Variants in MAP2K2 observed in about 807,000 individuals in gnomAD.
The protein encoded by MAP2K2 is dual specificity mitogen-activated protein kinase kinase 2.
A neutral mutation model predicts 43.7 loss-of-function variants in MAP2K2; 24 were observed. The observed-to-expected ratio is 0.55, with a 90% CI of 0.40 to 0.77. The LOEUF is 0.77. Ranked by LOEUF, MAP2K2 falls within the 30% of genes least tolerant of loss-of-function variation. The pLI is 0.00. For synonymous variants in MAP2K2, 244 were observed against 239.7 expected (o/e 1.02, Z -0.17); for missense variants, 470 against 566.8 (o/e 0.83, Z 1.73).
At chr19:4,102,288 CTG>C in intron 4 of MAP2K2, 86 bp downstream of exon 4, 1 of 1,181,074 alleles carries the variant, frequency 8.5e-7, no homozygotes, top group Admixed American at 2.0e-5. Flanking sequence ...CCCCACCACA[CTG>C]TGAGTGGCTC....
At chr19:4,109,347 G>A (rs1764186701) in intron 3 of MAP2K2, among the ~76,000 whole-genome samples, 1 of 152,178 alleles carries the variant, frequency 6.6e-6, no homozygotes, top group Admixed American at 6.5e-5. Context: ...TAGAGACTGT[G>A]GTCCCACAGA....
rs868508659 is a variant in MAP2K2 at position 4,090,655 on chromosome 19, C to T, written c.1146G>A (p.Trp382Ter). 6.4e-7 allele frequency: 1 copy of T among 1,559,010 alleles called. No homozygotes were observed. The change falls in exon 11 of 11, where the codon TGG becomes TGA. Residue 382 changes from tryptophan (W) to a stop codon, truncating the protein, a stop_gained. Coordinates refer to ENST00000262948, the MANE Select transcript of MAP2K2 (RefSeq NM_030662.4). LOFTEE classifies it high-confidence loss of function. ...SEVEEVDFAG[W>*]LCKTLRLNQP... ...GGTTCAGCCGCAGGGTTTTACACAA[C>T]CAGCCGGCAAAATCCACTTCTTCCA...
Position 4,101,683 on chromosome 19 carries a change from G to A in MAP2K2, c.529-403C>T, listed in dbSNP as rs751547859. ...TGCTAAGGGCCCCCAGATGGGACGG[G>A]CTAAGGGTGCCTGGGAAGGACGATG... On this transcript the variant is annotated intron_variant, in intron 4 of 10. Coordinates refer to ENST00000262948, the MANE Select transcript of MAP2K2 (RefSeq NM_030662.4). This position sits in a 1 kb window ranked among gnomAD's most constrained non-coding sequence, Gnocchi z 6.3. Among the ~76,000 whole-genome samples the A allele has an allele frequency of 6.6e-5, 10 of 152,162 alleles. No individual in the cohort carries two copies. Among genetic ancestry groups the A allele is most frequent in the Non-Finnish European group, 1.5e-4 (10 of 68,016 alleles).
At chr19:4,110,176 C>T (rs879675946) in intron 3 of MAP2K2, among the ~76,000 whole-genome samples, 8 of 151,852 alleles carry the variant, frequency 5.3e-5, no homozygotes, top group African/African-American at 1.2e-4. Context: ...TGGTGGCGGG[C>T]GCCTGTAATC....
At chr19:4,091,874 C>G (rs1048045767) in intron 10 of MAP2K2, among the ~76,000 whole-genome samples, 1 of 152,130 alleles carries the variant, frequency 6.6e-6, no homozygotes, top group African/African-American at 2.4e-5. Flanking sequence ...GTCTCGAAAT[C>G]CTGTCCTCAA....
chr19:4,102,263 AG>A (rs1316577734), intron 4 of MAP2K2, 112 bp downstream of exon 4: 1 of 909,978 alleles, frequency 1.1e-6, no homozygotes, highest in Admixed American at 2.0e-5. Context: ...CTCTTTCTGC[AG>A]GGGCCACCCT....
chr19:4,115,168 T>C lies in MAP2K2; in HGVS notation c.303+2251A>G, dbSNP rs936991381. On this transcript the variant is annotated intron_variant, in intron 2 of 10. Coordinates refer to ENST00000262948, the MANE Select transcript of MAP2K2 (RefSeq NM_030662.4). This position sits in a 1 kb window ranked among gnomAD's most constrained non-coding sequence, Gnocchi z 4.1. ...CTTTCCCCGCCTCCCCCAAGATGAC[T>C]GACATCTTACATGACGGAAGGACAG... 2.6e-5 allele frequency among the ~76,000 whole-genome samples: 4 copies of C among 152,012 alleles called. No homozygotes were observed. The highest frequency in any genetic ancestry group is 4.8e-5 in the African/African-American group (2 of 41,382).
In MAP2K2 at chr19:4,097,264, G is replaced by A. The variant is rs748264048; in HGVS notation, c.984+15C>T. The stretch of plus-strand genomic sequence containing the variant: ...AGAAAAGGAAAAGAAAAGCCAAAAG[G>A]CATCAAGCACAAACCTCGTTCACAA... On this transcript the variant is annotated intron_variant, in intron 8 of 10. Coordinates refer to ENST00000262948, the MANE Select transcript of MAP2K2 (RefSeq NM_030662.4). 5 of 1,558,764 alleles carry A rather than the reference G, an allele frequency of 3.2e-6. No homozygotes were observed. The highest frequency in any genetic ancestry group is 3.5e-6 in the Non-Finnish European group (4 of 1,133,106).
Position 4,101,402 on chromosome 19 carries a change from C to T in MAP2K2, c.529-122G>A, listed in dbSNP as rs1288959268. 5 of 1,148,888 alleles carry T rather than the reference C, an allele frequency of 4.4e-6. No individual in the cohort carries two copies. The African/African-American group carries it at 4.6e-5, about 11-fold the overall frequency. 71.2% of individuals were successfully genotyped at this position (1,148,888 alleles called of 1,614,324 possible). A position where few individuals can be genotyped will look rare whatever the true frequency, so the allele number is the denominator to read the frequency against. On this transcript the variant is annotated intron_variant, in intron 4 of 10. Transcript: ENST00000262948. The surrounding 1 kb of genome is among the most constrained non-coding windows in gnomAD (Gnocchi z 6.3). ...GAGGGAGCTGCGGCAGGAACCATTT[C>T]AGGCTGTGAGGAGCTCGCTGGGGTG... is the stretch of plus-strand genomic sequence containing the variant.
chr19:4,123,417 A>AG (rs1263137191), intron 1 of MAP2K2, among the ~76,000 whole-genome samples: 1 of 151,338 alleles, frequency 6.6e-6, no homozygotes, highest in Non-Finnish European at 1.5e-5. Flanking sequence ...TTCACTACTC[A>AG]GAGACTCCCG....
intron 3 of MAP2K2, among the ~76,000 whole-genome samples, chr19:4,109,549 C>T (rs1037214483): frequency 2.6e-5 from 4 of 152,252 alleles, no homozygotes; most frequent in Non-Finnish European, 4.4e-5. Flanking sequence ...AGTGATCTTC[C>T]CACCTCAGCC....
In MAP2K2 at chr19:4,102,356, T is replaced by C. The variant is rs73918030; in HGVS notation, c.528+20A>G. On this transcript the variant is annotated intron_variant, in intron 4 of 10. Transcript: ENST00000262948. The stretch of plus-strand genomic sequence containing the variant: ...TGCAGAGTGCGGTGGGGGCGCGATG[T>C]GGGTCTGCGGTGGACTCACCGCGAT... 7.3e-3 allele frequency: 11,602 copies of C among 1,578,872 alleles called. 736 individuals carry two copies. The African/African-American group carries it at 0.13, about 18-fold the overall frequency.
Position 4,115,853 on chromosome 19 carries a change from G to A in MAP2K2, c.303+1566C>T, listed in dbSNP as rs78632468. On this transcript the variant is annotated intron_variant, in intron 2 of 10. Transcript: ENST00000262948. This position sits in a 1 kb window ranked among gnomAD's most constrained non-coding sequence, Gnocchi z 4.1. The stretch of plus-strand genomic sequence containing the variant: ...TCTAGGTCTGAAAGAACACCGGTGA[G>A]GAGCTGAACACCCTGTCAACACTAA... Among the ~76,000 whole-genome samples, 740 of 152,286 alleles carry A rather than the reference G, an allele frequency of 4.9e-3. 4 individuals carry two copies. Among genetic ancestry groups the A allele is most frequent in the African/African-American group, 0.017 (712 of 41,556 alleles).
chr19:4,094,565 C>A, intron 9 of MAP2K2, 67 bp from the exon 10 acceptor site: 1 of 1,482,538 alleles, frequency 6.7e-7, no homozygotes, highest in South Asian at 1.2e-5. Flanking sequence ...CAGCTGGTGG[C>A]CCCGGGGCAC....
rs769762171 is a variant in MAP2K2, at chr19:4,110,530, G to A, written c.429C>T (p.Ile143=). 22 of 1,613,702 alleles carry A rather than the reference G, an allele frequency of 1.4e-5. No individual in the cohort carries two copies. Among genetic ancestry groups the A allele is most frequent in the Non-Finnish European group, 1.9e-5 (22 of 1,180,030 alleles). The change falls in exon 3 of 11, where the codon ATC becomes ATT. Residue 143 remains isoleucine (I), a synonymous_variant. Coordinates refer to ENST00000262948, the MANE Select transcript of MAP2K2 (RefSeq NM_030662.4). ...TCACCATGTGTTCCATGCAAATGCTGATCTCCCCGTCACTGTAGAAGGCCC... is the reference window on the plus strand; with the variant it reads ...TCACCATGTGTTCCATGCAAATGCTAATCTCCCCGTCACTGTAGAAGGCCC... The part of the protein sequence containing the change: ...FYGAFYSDGE[I]SICMEHMDGG...
At chr19:4,094,376 G>A (rs953687366) in intron 10 of MAP2K2, 77 bp downstream of exon 10, 6 of 1,479,992 alleles carry the variant, frequency 4.1e-6, no homozygotes, top group Non-Finnish European at 5.5e-6. Flanking sequence ...GCAGGGCCAG[G>A]CCCAGCAGCC....
At chr19:4,117,343 C>G in intron 2 of MAP2K2, 76 bp downstream of exon 2, 5 of 1,397,848 alleles carry the variant, frequency 3.6e-6, no homozygotes, top group Non-Finnish European at 5.0e-6. Context: ...GACCCGGCTG[C>G]CTTCCCAACC....
At position 4,100,717 on chromosome 19, in the gene MAP2K2, G is replaced by A. The variant is rs146386552; in HGVS notation, c.705+302C>T. 3.2e-5 allele frequency: 16 copies of A among 492,588 alleles called. No homozygotes were observed. The East Asian group carries it at 5.5e-4, about 17-fold the overall frequency. 30.5% of individuals were successfully genotyped at this position (492,588 alleles called of 1,614,324 possible). ...GGGGAATCCGAAAAGCAGGCTCCCA[G>A]GAGGCACCAGCTTTAGACGTGCCTT... On this transcript the variant is annotated intron_variant, in intron 6 of 10. Transcript: ENST00000262948.
At chr19:4,094,626 A>AGT (rs1454012444) in intron 9 of MAP2K2, 128 bp from the exon 10 acceptor site, 8 of 817,184 alleles carry the variant, frequency 9.8e-6, no homozygotes, top group African/African-American at 1.7e-5. Context: ...GACCAGAGAG[A>AGT]GTGGCACAGA....
Sources: allele counts gnomAD v4.1 joint callset (sites outside exome capture counted in the v4.1 genomes callset), GRCh38; gene constraint gnomAD v4.1.1; non-coding constraint Gnocchi (gnomAD v3.1); transcripts MANE v1.5; gene names NCBI Gene and HGNC (gene_info 2026-07-23, HGNC 2026-07-21).